Variants in ATG9A observed in about 807,000 individuals in gnomAD.
The protein encoded by ATG9A is autophagy-related protein 9A.
A neutral mutation model predicts 87.1 loss-of-function variants in ATG9A; 21 were observed. The observed-to-expected ratio is 0.24, with a 90% CI of 0.17 to 0.35. The LOEUF is 0.35. Ranked by LOEUF, ATG9A falls within the 10% of genes least tolerant of loss-of-function variation. ATG9A has a pLI of 1.00. For synonymous variants in ATG9A, 422 were observed against 441.3 expected, an observed-to-expected ratio of 0.96 and a Z score of 0.55; for missense variants, 836 against 1,107.3, an observed-to-expected ratio of 0.76 and a Z score of 3.48.
In ATG9A at chr2:219,219,772, C is replaced by A. The variant is rs1209908808; in HGVS notation, c.*675G>T. 6.6e-6 allele frequency: 1 copy of A among 152,274 alleles called. No individual in the cohort carries two copies. Among genetic ancestry groups the A allele is most frequent in the East Asian group, 1.9e-4 (1 of 5,196 alleles). The allele number at this position is 152,274 out of a possible 1,614,324, so 9.4% of individuals were successfully genotyped here. Reference sequence around the variant, plus strand: ...GGCAAGGGCAGCAAAGTATTTCCATCCTGCTCCTACAATTTAGAAACCTTC... The same window carrying A: ...GGCAAGGGCAGCAAAGTATTTCCATACTGCTCCTACAATTTAGAAACCTTC... On this transcript the variant is annotated 3_prime_UTR_variant, in exon 16 of 16. Transcript: ENST00000361242.
At position 219,224,777 on chromosome 2, in the gene ATG9A, G is replaced by T. The variant is rs1001936888; in HGVS notation, c.594C>A (p.Ile198=). The T allele has an allele frequency of 1.9e-6, 3 of 1,614,094 alleles. No homozygotes were observed. The African/African-American group carries it at 4.0e-5, about 22-fold the overall frequency. The change falls in exon 8 of 16, where the codon ATC becomes ATA. Residue 198 remains isoleucine, a synonymous_variant. Transcript: ENST00000361242. This position sits in a 1 kb window ranked among gnomAD's most constrained non-coding sequence, Gnocchi z 7.7. The stretch of plus-strand genomic sequence containing the variant: ...CCAGTTCTGTCAGCTCACGTTTGTG[G>T]ATGCAGATCTGGTGCTCCTTCTGCG... ...VQTQKEHQIC[I]HKRELTELDI... is the part of the protein sequence containing the mutation.
In ATG9A at chr2:219,228,038, T is replaced by C; in HGVS notation, c.-14A>G. 6.2e-7 allele frequency: 1 copy of C among 1,606,560 alleles called. No homozygotes were observed. Among genetic ancestry groups the C allele is most frequent in the Non-Finnish European group, 8.5e-7 (1 of 1,174,898 alleles). On this transcript the variant is annotated 5_prime_UTR_variant, in exon 3 of 16. Coordinates refer to ENST00000361242, the MANE Select transcript of ATG9A (RefSeq NM_001077198.3). ...AAACTGCGCCATCACCACCGCCCCC[T>C]GTCCACCTTGACCACCTGCCAATAA...
chr2:219,223,029 G>GC lies in ATG9A; in HGVS notation c.1600-137dup, dbSNP rs896510704. 8.2e-5 allele frequency: 97 copies of GC among 1,180,990 alleles called. No individual in the cohort carries two copies. In the African/African-American group the frequency reaches 9.9e-4, roughly 12 times the overall value. The allele number at this position is 1,180,990 out of a possible 1,614,324, so 73.2% of individuals were successfully genotyped here. A position where few individuals can be genotyped will look rare whatever the true frequency, so the allele number is the denominator to read the frequency against. On this transcript the variant is annotated intron_variant, in intron 10 of 15. Coordinates refer to ENST00000361242, the MANE Select transcript of ATG9A (RefSeq NM_001077198.3). This position sits in a 1 kb window ranked among gnomAD's most constrained non-coding sequence, Gnocchi z 4.7. ...TGTCAATCTTTCCCAGGGCACTGGT[G>GC]CCCCCCCAGACCCAGGAGGGGCTGC...
Position 219,223,830 on chromosome 2 carries a change from A to G in ATG9A, c.1419+39T>C. Reference sequence around the variant, plus strand: ...GCCCAGCCCTCACCACCGAGCTACCAGCCAGTCTCTAGCAGGCCCTAACTC... The same window carrying G: ...GCCCAGCCCTCACCACCGAGCTACCGGCCAGTCTCTAGCAGGCCCTAACTC... On this transcript the variant is annotated intron_variant, in intron 9 of 15. Transcript: ENST00000361242. This position sits in a 1 kb window ranked among gnomAD's most constrained non-coding sequence, Gnocchi z 4.7. 6.2e-7 allele frequency: 1 copy of G among 1,614,098 alleles called. No individual in the cohort carries two copies.
At position 219,223,366 on chromosome 2, in the gene ATG9A, A is replaced by G. The variant is rs985874124; in HGVS notation, c.1599+219T>C. On this transcript the variant is annotated intron_variant, in intron 10 of 15. Transcript: ENST00000361242. This position sits in a 1 kb window ranked among gnomAD's most constrained non-coding sequence, Gnocchi z 4.7. ...GCCTCCCAAAGTGCTGGGATTACAG[A>G]CGTGAGCCACCGCGCCTGGCCGTGT... Among the ~76,000 whole-genome samples, 3 of 151,932 alleles carry G rather than the reference A, an allele frequency of 2.0e-5. No individual in the cohort carries two copies. Among genetic ancestry groups the G allele is most frequent in the Non-Finnish European group, 4.4e-5 (3 of 67,944 alleles).
chr2:219,222,924 T>TG lies in ATG9A; in HGVS notation c.1600-32dup. ...CAAGGAAGAGCAGAGTAAGCAGGGC[T>TG]GTTCTCTTCCAGGAGCCTTCCTGCA... On this transcript the variant is annotated intron_variant, in intron 10 of 15. Coordinates refer to ENST00000361242, the MANE Select transcript of ATG9A (RefSeq NM_001077198.3). This position sits in a 1 kb window ranked among gnomAD's most constrained non-coding sequence, Gnocchi z 4.3. The TG allele has an allele frequency of 6.2e-7, 1 of 1,611,246 alleles. No homozygotes were observed. The highest frequency in any genetic ancestry group is 1.1e-5 in the South Asian group (1 of 90,988).
chr2:219,219,451 C>G lies in ATG9A; in HGVS notation c.*996G>C, dbSNP rs1950707928. ...TCCCTACCCTGCTCCGCTCCGAGTTCGGGCAGCGCAATTCACCACTCTCCC... is the reference window on the plus strand; with the variant it reads ...TCCCTACCCTGCTCCGCTCCGAGTTGGGGCAGCGCAATTCACCACTCTCCC... On this transcript the variant is annotated 3_prime_UTR_variant, in exon 16 of 16. Transcript: ENST00000361242. 1 of 152,674 alleles carries G rather than the reference C, an allele frequency of 6.5e-6. No homozygotes were observed. Among genetic ancestry groups the G allele is most frequent in the Non-Finnish European group, 1.5e-5 (1 of 68,104 alleles). 9.5% of individuals were successfully genotyped at this position (152,674 alleles called of 1,614,324 possible). A position where few individuals can be genotyped will look rare whatever the true frequency, so the allele number is the denominator to read the frequency against.
At chr2:219,225,352 AT>A in intron 6 of ATG9A, 58 bp downstream of exon 6, 1 of 1,601,224 alleles carries the variant, frequency 6.2e-7, no homozygotes, top group South Asian at 1.1e-5. Flanking sequence ...ACTCCACTCT[AT>A]TACCCACCTG....
chr2:219,226,179 C>T (rs1436211271), intron 5 of ATG9A, among the ~76,000 whole-genome samples: 6 of 152,008 alleles, frequency 3.9e-5, no homozygotes, highest in South Asian at 2.1e-4. Context: ...GGCACAATCT[C>T]GGCTCACTGC....
chr2:219,220,790 G>C lies in ATG9A; in HGVS notation c.2471C>G (p.Pro824Arg). The stretch of plus-strand genomic sequence containing the variant: ...TAGCTCATCCTCCGAGCCCTCTTCG[G>C]GCACGGGCTCAGGGTGCCTTGATGC... ...QSASRHPEPV[P>R]EEGSEDELPP... The change falls in exon 15 of 16, where the codon CCC (proline) becomes CGC (arginine). Residue 824 changes from proline (P) to arginine (R), a missense_variant. Coordinates refer to ENST00000361242, the MANE Select transcript of ATG9A (RefSeq NM_001077198.3). 2 of 1,613,432 alleles carry C rather than the reference G, an allele frequency of 1.2e-6. No individual in the cohort carries two copies. The highest frequency in any genetic ancestry group is 1.7e-6 in the Non-Finnish European group (2 of 1,179,964).
Position 219,222,603 on chromosome 2 carries a change from A to C in ATG9A, c.1848+42T>G. On this transcript the variant is annotated intron_variant, in intron 11 of 15. Coordinates refer to ENST00000361242, the MANE Select transcript of ATG9A (RefSeq NM_001077198.3). This position sits in a 1 kb window ranked among gnomAD's most constrained non-coding sequence, Gnocchi z 4.3. ...CCGGTCCCTCAACTCCCAGCTCCTG[A>C]AGTCCACTCTGCCCATCATCTCCCA... The C allele has an allele frequency of 6.2e-7, 1 of 1,608,880 alleles. No individual in the cohort carries two copies.
intron 6 of ATG9A, 64 bp from the exon 7 acceptor site, chr2:219,225,276 G>C: frequency 6.2e-7 from 1 of 1,609,144 alleles, no homozygotes; most frequent in African/African-American, 1.3e-5. Flanking sequence ...CAGAGACGCT[G>C]CTATCCTGAA....
At position 219,222,704 on chromosome 2, in the gene ATG9A, C is replaced by G; in HGVS notation, c.1789G>C (p.Gly597Arg). 6.2e-7 allele frequency: 1 copy of G among 1,614,158 alleles called. No homozygotes were observed. Among genetic ancestry groups the G allele is most frequent in the Non-Finnish European group, 8.5e-7 (1 of 1,180,016 alleles). ...DGAAASLAQG[G>R]LLPENALFTS... The stretch of plus-strand genomic sequence containing the variant: ...AAGAGGGCATTTTCAGGGAGCAGAC[C>G]CCCTTGGGCGAGGCTAGCAGCTGCT... Residue 597 changes from glycine to arginine, a missense_variant, in exon 11 of 16, where the codon GGT (glycine) becomes CGT (arginine). Physicochemically the swap from Gly to Arg is moderately radical, Grantham distance 125. Around this residue, in one of 2 missense-constraint regions of ATG9A, gnomAD observed 324 missense variants for 347.6 expected, o/e 0.93. Transcript: ENST00000361242. This position sits in a 1 kb window ranked among gnomAD's most constrained non-coding sequence, Gnocchi z 4.3.
chr2:219,220,339 C>G lies in ATG9A; in HGVS notation c.*108G>C. The G allele has an allele frequency of 7.0e-7, 1 of 1,429,102 alleles. No homozygotes were observed. 88.5% of individuals were successfully genotyped at this position (1,429,102 alleles called of 1,614,324 possible). On this transcript the variant is annotated 3_prime_UTR_variant, in exon 16 of 16. Coordinates refer to ENST00000361242, the MANE Select transcript of ATG9A (RefSeq NM_001077198.3). ...CAGGCACAGACACACAAACACCACA[C>G]ACGTGGGGCCAGGGAACACTCAGAG...
Position 219,224,155 on chromosome 2 carries a change from G to A in ATG9A, c.1216C>T (p.His406Tyr), listed in dbSNP as rs1211362828. 6.2e-7 allele frequency: 1 copy of A among 1,613,756 alleles called. No homozygotes were observed. Among genetic ancestry groups the A allele is most frequent in the South Asian group, 1.1e-5 (1 of 91,086 alleles). Residue 406 changes from histidine (H) to tyrosine (Y), a missense_variant, in exon 8 of 16, where the codon CAT becomes TAT. Transcript: ENST00000361242. The surrounding 1 kb of genome is among the most constrained non-coding windows in gnomAD (Gnocchi z 7.7). ...IYDEDVLAVE[H>Y]VLTTVTLLGV... ...AGGAGTGTGACGGTGGTCAGCACAT[G>A]TTCCACAGCCAACACATCTTCGTCA... is the stretch of plus-strand genomic sequence containing the variant.
chr2:219,227,828 C>G lies in ATG9A; in HGVS notation c.104-15G>C, dbSNP rs1950893154. ...GTGCCAAGGTGCTGTGGGATAGGAA[C>G]AGAGATGTCAGAGCCCTGGGAGAAC... is the stretch of plus-strand genomic sequence containing the variant. On this transcript the variant is annotated splice_polypyrimidine_tract_variant and intron_variant, in intron 3 of 15. Transcript: ENST00000361242. 6.2e-7 allele frequency: 1 copy of G among 1,613,972 alleles called. No individual in the cohort carries two copies. The highest frequency in any genetic ancestry group is 8.5e-7 in the Non-Finnish European group (1 of 1,179,838).
At chr2:219,221,742 T>C (rs925568809) in intron 13 of ATG9A, among the ~76,000 whole-genome samples, 1 of 151,948 alleles carries the variant, frequency 6.6e-6, no homozygotes, top group Non-Finnish European at 1.5e-5. Flanking sequence ...ACAGGAAGAT[T>C]CAGGAGGGTG....
rs1346902206 is a variant in ATG9A, at chr2:219,220,242, T to G, written c.*205A>C. On this transcript the variant is annotated 3_prime_UTR_variant, in exon 16 of 16. Coordinates refer to ENST00000361242, the MANE Select transcript of ATG9A (RefSeq NM_001077198.3). ...CTGGGGATGAGGCTAGAGTCCCGTG[T>G]GCCCTCGGTTCCTAGGCCCCAAATT... is the stretch of plus-strand genomic sequence containing the variant. 1 of 614,626 alleles carries G rather than the reference T, an allele frequency of 1.6e-6. No homozygotes were observed. Among genetic ancestry groups the G allele is most frequent in the Non-Finnish European group, 2.8e-6 (1 of 354,892 alleles). The allele number at this position is 614,626 out of a possible 1,614,324, so 38.1% of individuals were successfully genotyped here.
chr2:219,222,709 T>G lies in ATG9A; in HGVS notation c.1784A>C (p.Gln595Pro), dbSNP rs749239424. 6.2e-7 allele frequency: 1 copy of G among 1,614,170 alleles called. No individual in the cohort carries two copies. The highest frequency in any genetic ancestry group is 2.2e-5 in the East Asian group (1 of 44,888). The stretch of plus-strand genomic sequence containing the variant: ...GGCATTTTCAGGGAGCAGACCCCCT[T>G]GGGCGAGGCTAGCAGCTGCTCCATC... ...QRDGAAASLA[Q>P]GGLLPENALF... The change falls in exon 11 of 16, where the codon CAA becomes CCA. Residue 595 changes from glutamine to proline, a missense_variant. Physicochemically the swap from Gln to Pro is moderately conservative, Grantham distance 76. This residue lies in a region of ATG9A where 324 missense variants were observed against 347.6 expected (regional missense o/e 0.93). Transcript: ENST00000361242. The surrounding 1 kb of genome is among the most constrained non-coding windows in gnomAD (Gnocchi z 4.3).
Sources: allele counts gnomAD v4.1 joint callset (sites outside exome capture counted in the v4.1 genomes callset), GRCh38; gene constraint gnomAD v4.1.1; regional missense constraint gnomAD v4.1.1; non-coding constraint Gnocchi (gnomAD v3.1); transcripts MANE v1.5; gene names NCBI Gene and HGNC (gene_info 2026-07-23, HGNC 2026-07-21).